ERC1: variants seen among roughly 807,000 people sequenced by gnomAD.
The protein encoded by ERC1 is ELKS/RAB6-interacting/CAST family member 1, also known as RAB6 interacting protein 2.
In ERC1, 56 loss-of-function variants were observed where a neutral mutation model predicts 132.0. That is an observed-to-expected ratio of 0.42 (90% confidence interval 0.34 to 0.53). The LOEUF (loss-of-function observed/expected upper bound fraction) is 0.53. Among genes scored for constraint, ERC1 ranks in the 20% least tolerant of loss-of-function variants. ERC1 has a pLI of 0.03. For missense variants in ERC1, 1,202 were observed against 1,349.9 expected, an observed-to-expected ratio of 0.89 and a Z score of 1.72; for synonymous variants, 478 against 476.1, an observed-to-expected ratio of 1.00 and a Z score of -0.05.
chr12:1,393,588 T>G (rs1395705781), intron 16 of ERC1, among the ~76,000 whole-genome samples: 1 of 146,550 alleles, frequency 6.8e-6, no homozygotes, highest in Admixed American at 7.0e-5. Context: ...TTTTTTTTTT[T>G]TCCTTTAGAG....
intron 2 of ERC1, among the ~76,000 whole-genome samples, chr12:1,057,436 C>T (rs1973175679): frequency 6.6e-6 from 1 of 152,002 alleles, no homozygotes; most frequent in African/African-American, 2.4e-5. Flanking sequence ...TGTATATCTT[C>T]TTTTGAGAAC....
intron 2 of ERC1, among the ~76,000 whole-genome samples, chr12:1,043,458 A>G (rs905277883): frequency 4.6e-5 from 7 of 152,202 alleles, no homozygotes; most frequent in Non-Finnish European, 8.8e-5. Flanking sequence ...TTTTAAAGGG[A>G]TAGTGTATTG....
intron 15 of ERC1, among the ~76,000 whole-genome samples, chr12:1,327,926 A>T (rs1485226820): frequency 6.6e-6 from 1 of 152,144 alleles, no homozygotes; most frequent in Admixed American, 6.6e-5. Context: ...GAAACTAATT[A>T]AATTGTTCCT....
chr12:1,171,557 C>T (rs1218966606), intron 8 of ERC1, among the ~76,000 whole-genome samples: 1 of 151,996 alleles, frequency 6.6e-6, no homozygotes, highest in African/African-American at 2.4e-5. Flanking sequence ...TTTCTGCCAT[C>T]AATACTGAAA....
At chr12:1,195,885 C>T (rs962678033) in intron 12 of ERC1, among the ~76,000 whole-genome samples, 1 of 145,634 alleles carries the variant, frequency 6.9e-6, no homozygotes. Context: ...GCCCCCCCCC[C>T]CCTTTTTTTG....
chr12:1,294,547 ACTGT>A (rs572746712), intron 15 of ERC1, among the ~76,000 whole-genome samples: 47 of 152,200 alleles, frequency 3.1e-4, no homozygotes, highest in Non-Finnish European at 4.4e-4. Context: ...TGAAATTAAG[ACTGT>A]CTGTCATCTA....
rs756530290 is a variant in ERC1 at position 1,189,872 on chromosome 12, C to T, written c.2171C>T (p.Ala724Val). ...ESQLKKAHEA[A>V]LEARASPEMS... ...TTTTCTTTGTAGGCACATGAGGCAG[C>T]ATTGGAAGCCAGAGCCAGTCCAGAG... Residue 724 changes from alanine (A) to valine (V), a missense_variant, in exon 12 of 19, where the codon GCA becomes GTA. Ala to Val is a moderately conservative substitution (Grantham distance 64). Transcript: ENST00000360905. 6.2e-7 allele frequency: 1 copy of T among 1,605,792 alleles called. No individual in the cohort carries two copies. The highest frequency in any genetic ancestry group is 8.5e-7 in the Non-Finnish European group (1 of 1,175,522).
intron 2 of ERC1, among the ~76,000 whole-genome samples, chr12:1,040,548 C>T (rs551884654): frequency 1.3e-5 from 2 of 152,154 alleles, no homozygotes; most frequent in Admixed American, 6.5e-5. Context: ...CCTCGTGATC[C>T]GCCCACCTAG....
chr12:1,064,465 G>C (rs1938694699), intron 2 of ERC1, among the ~76,000 whole-genome samples: 1 of 152,072 alleles, frequency 6.6e-6, no homozygotes, highest in South Asian at 2.1e-4. Flanking sequence ...TTCAGTCATA[G>C]CTCACTGCAG....
rs957378672 is a variant in ERC1, at chr12:1,008,573, G to A, written c.-157+17251G>A. ...ATTACAGGTGTGAGCCACCATGCCC[G>A]GCCACATTATTTTTTAATACTAGCT... On this transcript the variant is annotated intron_variant, in intron 1 of 18. Transcript: ENST00000360905. 5.3e-5 allele frequency among the ~76,000 whole-genome samples: 8 copies of A among 151,842 alleles called. No homozygotes were observed. In the South Asian group the frequency reaches 8.3e-4, roughly 16 times the overall value.
At chr12:1,036,867 A>G (rs1969192533) in intron 2 of ERC1, among the ~76,000 whole-genome samples, 1 of 152,194 alleles carries the variant, frequency 6.6e-6, no homozygotes. Context: ...GTTGTTTCAG[A>G]AGGGGAATGT....
At chr12:1,139,076 C>T (rs1949626737) in intron 7 of ERC1, among the ~76,000 whole-genome samples, 1 of 152,184 alleles carries the variant, frequency 6.6e-6, no homozygotes, top group Non-Finnish European at 1.5e-5. Flanking sequence ...GTAGTCCTCC[C>T]TTAACTGCTT....
chr12:1,260,052 T>C (rs1479384764), intron 13 of ERC1, among the ~76,000 whole-genome samples: 1 of 152,168 alleles, frequency 6.6e-6, no homozygotes, highest in Non-Finnish European at 1.5e-5. Context: ...GAGCTCTTTT[T>C]TCTGGATCCC....
intron 17 of ERC1, among the ~76,000 whole-genome samples, chr12:1,438,850 G>A (rs548515534): frequency 1.3e-5 from 2 of 152,136 alleles, no homozygotes; most frequent in Admixed American, 1.3e-4. Context: ...GGCTAAGGTA[G>A]GAGAATCGCT....
chr12:1,031,340 T>G lies in ERC1; in HGVS notation c.669+2768T>G, dbSNP rs1055115628. 2.0e-5 allele frequency among the ~76,000 whole-genome samples: 3 copies of G among 152,226 alleles called. No homozygotes were observed. The South Asian group carries it at 6.2e-4, about 32-fold the overall frequency. On this transcript the variant is annotated intron_variant, in intron 2 of 18. Transcript: ENST00000360905. ...ACGTAACGGATTTACCTGAATGGAA[T>G]ACTGTTGGTATTATGCTGTGACCTT...
chr12:1,335,048 A>T (rs1465766148), intron 15 of ERC1, among the ~76,000 whole-genome samples: 3 of 152,112 alleles, frequency 2.0e-5, no homozygotes, highest in Non-Finnish European at 4.4e-5. Flanking sequence ...GGTGTAGAGG[A>T]ATGCTAGTGA....
chr12:1,389,343 T>G (rs544807047), intron 16 of ERC1, among the ~76,000 whole-genome samples: 2 of 152,338 alleles, frequency 1.3e-5, no homozygotes, highest in South Asian at 4.1e-4. Flanking sequence ...AAATACTACT[T>G]AAACCCATGA....
chr12:1,070,672 A>C (rs1179664877), intron 2 of ERC1, among the ~76,000 whole-genome samples: 2 of 151,950 alleles, frequency 1.3e-5, no homozygotes, highest in Non-Finnish European at 2.9e-5. Flanking sequence ...TAAACCTTAG[A>C]CCTTTTACTT....
intron 12 of ERC1, among the ~76,000 whole-genome samples, chr12:1,234,062 C>T (rs141521139): frequency 2.6e-5 from 4 of 152,100 alleles, no homozygotes; most frequent in African/African-American, 9.6e-5. Context: ...GATGGCAAAA[C>T]GTATAATGTA....
Sources: gnomAD v4.1 joint callset for allele counts (sites outside exome capture counted in the v4.1 genomes callset) on GRCh38, gnomAD v4.1.1 for gene constraint, MANE v1.5 for transcripts, NCBI Gene and HGNC (gene_info 2026-07-23, HGNC 2026-07-21) for gene names.